AGBL4: variants seen among roughly 807,000 people sequenced by gnomAD.
AGBL4 encodes cytosolic carboxypeptidase 6.
Under a neutral mutation model 66.4 loss-of-function variants are expected in AGBL4, and 58 were observed. The observed-to-expected ratio is 0.87, with a 90% CI of 0.71 to 1.09. AGBL4 has a LOEUF of 1.09. Among genes scored for constraint, AGBL4 ranks in the 50% least tolerant of loss-of-function variants. The pLI, the probability that AGBL4 is intolerant of heterozygous loss-of-function variation, is 0.00. For missense variants in AGBL4, 579 were observed against 631.0 expected (o/e 0.92, Z 0.88); for synonymous variants, 234 against 222.9 (o/e 1.05, Z -0.44).
At chr1:49,053,839 C>T (rs991033882) in intron 4 of AGBL4, among the ~76,000 whole-genome samples, 3 of 152,128 alleles carry the variant, frequency 2.0e-5, no homozygotes, top group African/African-American at 4.8e-5. Flanking sequence ...AAACATTTGT[C>T]AGTGTTTATG....
intron 11 of AGBL4, chr1:48,585,810 C>A (rs1569890167): frequency 6.6e-6 from 1 of 152,376 alleles, no homozygotes. Flanking sequence ...CCCAACCCTC[C>A]CAAACACACA....
At chr1:48,954,016 C>T (rs10888636) in intron 5 of AGBL4, among the ~76,000 whole-genome samples, 40,182 of 152,124 alleles carry the variant, frequency 0.26, 7,319 homozygotes, top group African/African-American at 0.52. Context: ...CTAGCTGCCC[C>T]GAGCAGAGTG....
At position 48,533,957 on chromosome 1, in the gene AGBL4, T is replaced by G; in HGVS notation, c.*216A>C. 1 of 690,544 alleles carries G rather than the reference T, an allele frequency of 1.4e-6. No individual in the cohort carries two copies. The highest frequency in any genetic ancestry group is 2.4e-6 in the Non-Finnish European group (1 of 417,022). 42.8% of individuals were successfully genotyped at this position (690,544 alleles called of 1,614,324 possible). A position where few individuals can be genotyped will look rare whatever the true frequency, so the allele number is the denominator to read the frequency against. On this transcript the variant is annotated 3_prime_UTR_variant, in exon 14 of 14. Transcript: ENST00000371839. ...GTGCTCACCTGGTTCCGATCTCCTA[T>G]TTTGTTCCTGAGCTTTTTGAGCTGA... is the stretch of plus-strand genomic sequence containing the variant.
At chr1:49,127,216 G>C (rs915913825) in intron 4 of AGBL4, among the ~76,000 whole-genome samples, 1 of 152,192 alleles carries the variant, frequency 6.6e-6, no homozygotes, top group Non-Finnish European at 1.5e-5. Context: ...TGTGAAGAAA[G>C]AAGAGGGACC....
chr1:49,992,957 A>G (rs1297017795), intron 1 of AGBL4, among the ~76,000 whole-genome samples: 1 of 152,182 alleles, frequency 6.6e-6, no homozygotes, highest in Non-Finnish European at 1.5e-5. Flanking sequence ...GTTCTCAAAC[A>G]TGAGAGGAGA....
intron 3 of AGBL4, among the ~76,000 whole-genome samples, chr1:49,471,540 C>A (rs1037479588): frequency 6.6e-6 from 1 of 151,636 alleles, no homozygotes; most frequent in Non-Finnish European, 1.5e-5. Context: ...TAACTAGGGA[C>A]CTTGGGACCC....
At chr1:49,088,365 A>G (rs557567457) in intron 4 of AGBL4, among the ~76,000 whole-genome samples, 7 of 152,298 alleles carry the variant, frequency 4.6e-5, no homozygotes, top group African/African-American at 1.7e-4. Context: ...CATATGCAAT[A>G]ACACCCATAG....
At chr1:49,893,330 C>T (rs1345836533) in intron 1 of AGBL4, among the ~76,000 whole-genome samples, 1 of 152,142 alleles carries the variant, frequency 6.6e-6, no homozygotes, top group African/African-American at 2.4e-5. Context: ...CCAAATTTAA[C>T]AACTATCTAC....
At chr1:49,003,646 C>T (rs1288043701) in intron 5 of AGBL4, among the ~76,000 whole-genome samples, 3 of 152,044 alleles carry the variant, frequency 2.0e-5, no homozygotes, top group Admixed American at 1.3e-4. Context: ...CAGCATGGCT[C>T]TTCTTACCTT....
At chr1:49,644,722 T>A (rs960223595) in intron 3 of AGBL4, among the ~76,000 whole-genome samples, 39 of 151,116 alleles carry the variant, frequency 2.6e-4, no homozygotes, top group African/African-American at 9.2e-4. Context: ...AGATAGAAAA[T>A]CAGGAAGGAT....
chr1:49,907,965 A>T (rs1011763665), intron 1 of AGBL4, among the ~76,000 whole-genome samples: 16 of 152,198 alleles, frequency 1.1e-4, no homozygotes, highest in Non-Finnish European at 1.2e-4. Context: ...CTCTCAAAAA[A>T]TAAAGTCTTT....
At chr1:49,207,456 TTTTCTTTCTTTCTC>T (rs1163348474) in intron 4 of AGBL4, among the ~76,000 whole-genome samples, 10 of 14,540 alleles carry the variant, frequency 6.9e-4, no homozygotes, top group South Asian at 2.4e-3. Flanking sequence ...CTTTCTTTCT[TTTTCTTTCTTTCTC>T]TTTCTTTCTT....
At chr1:49,004,096 C>G (rs1027307960) in intron 5 of AGBL4, among the ~76,000 whole-genome samples, 1 of 152,210 alleles carries the variant, frequency 6.6e-6, no homozygotes, top group African/African-American at 2.4e-5. Context: ...ATCTCAAGGG[C>G]TGGGCCTTCA....
intron 3 of AGBL4, among the ~76,000 whole-genome samples, chr1:49,485,461 G>T (rs1312027713): frequency 8.7e-6 from 1 of 115,394 alleles, no homozygotes; most frequent in Admixed American, 1.1e-4. Flanking sequence ...CTGTTGTGGG[G>T]TGGGGGGAGG....
intron 4 of AGBL4, among the ~76,000 whole-genome samples, chr1:49,060,253 A>C (rs933370578): frequency 5.9e-5 from 9 of 152,034 alleles, no homozygotes; most frequent in African/African-American, 1.9e-4. Flanking sequence ...TGGTCTTATA[A>C]GGCACTTTTC....
At chr1:49,916,603 T>C (rs1403005044) in intron 1 of AGBL4, among the ~76,000 whole-genome samples, 2 of 152,116 alleles carry the variant, frequency 1.3e-5, no homozygotes, top group Non-Finnish European at 2.9e-5. Flanking sequence ...CAAATCTACG[T>C]CTGATTGGTA....
At chr1:49,431,757 G>A (rs1465979244) in intron 3 of AGBL4, among the ~76,000 whole-genome samples, 1 of 151,888 alleles carries the variant, frequency 6.6e-6, no homozygotes, top group Non-Finnish European at 1.5e-5. Context: ...CTTTACATCT[G>A]CTATTAAACT....
At chr1:49,288,243 T>G (rs1002311105) in intron 3 of AGBL4, among the ~76,000 whole-genome samples, 2 of 142,504 alleles carry the variant, frequency 1.4e-5, no homozygotes, top group East Asian at 2.3e-4. Context: ...AGGGATAGCA[T>G]TGGGAGATAT....
At chr1:49,985,275 AAATC>A (rs758177934) in intron 1 of AGBL4, among the ~76,000 whole-genome samples, 17 of 152,198 alleles carry the variant, frequency 1.1e-4, no homozygotes, top group Non-Finnish European at 1.0e-4. Context: ...TAAAATAAAT[AAATC>A]ATTTTATTAG....
Sources: gnomAD v4.1 joint callset for allele counts (sites outside exome capture counted in the v4.1 genomes callset) on GRCh38, gnomAD v4.1.1 for gene constraint, MANE v1.5 for transcripts, NCBI Gene and HGNC (gene_info 2026-07-23, HGNC 2026-07-21) for gene names.